CSNK1G3: variants seen among roughly 807,000 people sequenced by gnomAD.
CSNK1G3 encodes casein kinase 1 gamma 3.
A neutral mutation model predicts 64.3 loss-of-function variants in CSNK1G3; 23 were observed. The observed-to-expected ratio is 0.36, with a 90% CI of 0.26 to 0.51. The LOEUF (loss-of-function observed/expected upper bound fraction) is 0.51. Among genes scored for constraint, CSNK1G3 ranks in the 20% least tolerant of loss-of-function variants. CSNK1G3 has a pLI of 0.96. For synonymous variants in CSNK1G3, 158 were observed against 162.2 expected, an observed-to-expected ratio of 0.97 and a Z score of 0.20; for missense variants, 357 against 510.5, an observed-to-expected ratio of 0.70 and a Z score of 2.90.
At chr5:123,569,881 A>G (rs1301189231) in intron 4 of CSNK1G3, among the ~76,000 whole-genome samples, 1 of 152,182 alleles carries the variant, frequency 6.6e-6, no homozygotes, top group African/African-American at 2.4e-5. Flanking sequence ...CTTTTCCTAG[A>G]TTCCCTTTAT....
intron 12 of CSNK1G3, 62 bp downstream of exon 13, chr5:123,605,424 A>G (rs1192220267): frequency 6.4e-7 from 1 of 1,566,784 alleles, no homozygotes; most frequent in African/African-American, 1.4e-5. Flanking sequence ...AAGATTTAGC[A>G]TCATTTTGTG....
chr5:123,537,231 A>G (rs1337023438), intron 1 of CSNK1G3, among the ~76,000 whole-genome samples: 2 of 152,342 alleles, frequency 1.3e-5, no homozygotes, highest in Admixed American at 6.5e-5. Flanking sequence ...TGTAGTATAT[A>G]TACATAATAG....
At chr5:123,546,326 G>A (rs1782511149) in intron 2 of CSNK1G3, among the ~76,000 whole-genome samples, 1 of 151,952 alleles carries the variant, frequency 6.6e-6, no homozygotes, top group South Asian at 2.1e-4. Flanking sequence ...GTATGTTTGG[G>A]GTGGGGCTCA....
In CSNK1G3 at chr5:123,546,684, A is replaced by G. The variant is rs576944027; in HGVS notation, c.178+843A>G. On this transcript the variant is annotated intron_variant, in intron 2 of 12. Coordinates refer to ENST00000345990, the Ensembl canonical transcript of CSNK1G3. The stretch of plus-strand genomic sequence containing the variant: ...AGTGAACTTTAGATGTAAAAAGAAA[A>G]TCTGACTTCTCAATTTATTTTAGAT... 8.5e-5 allele frequency among the ~76,000 whole-genome samples: 13 copies of G among 152,182 alleles called. No individual in the cohort carries two copies. The South Asian group carries it at 2.5e-3, about 29-fold the overall frequency.
At chr5:123,615,366 ATG>A (rs1749280979) in exon 13 of CSNK1G3, 1 of 152,558 alleles carries the variant, frequency 6.6e-6, no homozygotes, top group Non-Finnish European at 1.5e-5. Context: ...TGGATGTGCC[ATG>A]CAATGGTGTC....
chr5:123,548,515 A>G (rs1166264273), intron 2 of CSNK1G3, among the ~76,000 whole-genome samples: 3 of 151,564 alleles, frequency 2.0e-5, no homozygotes, highest in Admixed American at 6.6e-5. Flanking sequence ...AACATTTGAA[A>G]TAATAATTTT....
At chr5:123,604,675 AGC>A (rs925323458) in intron 10 of CSNK1G3, 47 bp from the exon 12 acceptor site, 1 of 894,582 alleles carries the variant, frequency 1.1e-6, no homozygotes, top group African/African-American at 1.7e-5. Flanking sequence ...TATATTTATG[AGC>A]ATGTGTGTGT....
Position 123,571,455 on chromosome 5 carries a change from C to G in CSNK1G3, c.290-1938C>G, listed in dbSNP as rs138093525. On this transcript the variant is annotated intron_variant, in intron 4 of 12. Coordinates refer to ENST00000345990, the Ensembl canonical transcript of CSNK1G3. ...TTACACTAGCTTACATTCCCACCTG[C>G]AGATGTTCTGCTGCCTCACTCATAT... Among the ~76,000 whole-genome samples, 496 of 152,124 alleles carry G rather than the reference C, an allele frequency of 3.3e-3. 7 individuals carry two copies. Among genetic ancestry groups the G allele is most frequent in the African/African-American group, 0.012 (479 of 41,528 alleles).
At chr5:123,525,619 G>T (rs558272263) in intron 1 of CSNK1G3, among the ~76,000 whole-genome samples, 26 of 152,128 alleles carry the variant, frequency 1.7e-4, no homozygotes, top group African/African-American at 6.0e-4. Flanking sequence ...AGTTGTATGA[G>T]ACAATCTCAA....
At chr5:123,604,499 T>C (rs1364817050) in intron 10 of CSNK1G3, among the ~76,000 whole-genome samples, 1 of 151,990 alleles carries the variant, frequency 6.6e-6, no homozygotes, top group Non-Finnish European at 1.5e-5. Flanking sequence ...AGGAAGTAAG[T>C]TGAAAAGCGC....
At chr5:123,512,511 G>C (rs1286839002) in exon 1 of CSNK1G3, 1 of 152,168 alleles carries the variant, frequency 6.6e-6, no homozygotes, top group African/African-American at 2.4e-5. Context: ...CGGCGCTGAC[G>C]GACTGGGGGC....
intron 3 of CSNK1G3, among the ~76,000 whole-genome samples, chr5:123,556,361 G>A (rs1467191088): frequency 6.6e-6 from 1 of 152,022 alleles, no homozygotes; most frequent in African/African-American, 2.4e-5. Context: ...AATTTATCCA[G>A]TTATTGCATC....
exon 13 of CSNK1G3, chr5:123,614,441 T>C: frequency 6.4e-7 from 1 of 1,554,668 alleles, no homozygotes; most frequent in Non-Finnish European, 8.8e-7. Context: ...CATGTTCATC[T>C]GCTGTCTTGT....
chr5:123,587,893 A>C (rs1242023489), intron 6 of CSNK1G3, among the ~76,000 whole-genome samples, 175 bp from the exon 7 acceptor site: 1 of 152,180 alleles, frequency 6.6e-6, no homozygotes, highest in Non-Finnish European at 1.5e-5. Flanking sequence ...ATCTTAATGT[A>C]AAAACATTAT....
intron 12 of CSNK1G3, among the ~76,000 whole-genome samples, chr5:123,608,784 G>A (rs971647394): frequency 1.3e-5 from 2 of 152,156 alleles, no homozygotes; most frequent in East Asian, 1.9e-4. Flanking sequence ...TTGGTCTGTG[G>A]TGGGGCCTGG....
chr5:123,525,680 C>T (rs185807514), intron 1 of CSNK1G3, among the ~76,000 whole-genome samples: 2 of 152,158 alleles, frequency 1.3e-5, no homozygotes, highest in Admixed American at 1.3e-4. Flanking sequence ...AAGCATCTGA[C>T]TTAGCTGCTC....
At chr5:123,559,275 C>T (rs1176384291) in intron 4 of CSNK1G3, among the ~76,000 whole-genome samples, 1 of 151,612 alleles carries the variant, frequency 6.6e-6, no homozygotes, top group Non-Finnish European at 1.5e-5. Flanking sequence ...CCAGATCTAT[C>T]TAGTACAGTA....
chr5:123,616,417 C>A (rs1361291776), exon 13 of CSNK1G3: 1 of 152,454 alleles, frequency 6.6e-6, no homozygotes, highest in Non-Finnish European at 1.5e-5. Context: ...GATCTGAACT[C>A]CTTATACATA....
intron 4 of CSNK1G3, among the ~76,000 whole-genome samples, chr5:123,563,587 G>A (rs1026419420): frequency 1.3e-5 from 2 of 151,998 alleles, no homozygotes; most frequent in East Asian, 1.9e-4. Context: ...TGTAATATAC[G>A]GAAATTTTAT....
Sources: allele counts gnomAD v4.1 joint callset (sites outside exome capture counted in the v4.1 genomes callset), GRCh38; gene constraint gnomAD v4.1.1; transcripts MANE v1.5; gene names NCBI Gene and HGNC (gene_info 2026-07-23, HGNC 2026-07-21).